TPPP2: variants seen among roughly 807,000 people sequenced by gnomAD.
TPPP2 encodes the protein tubulin polymerization-promoting protein family member 2.
TPPP2 carries 8 observed loss-of-function variants against 13.0 expected under a neutral mutation model. The ratio of observed to expected loss-of-function variants is 0.62; its 90% CI spans 0.36 to 1.11. The LOEUF is 1.11. Ranked by LOEUF, TPPP2 falls within the 50% of genes most tolerant of loss-of-function variation. TPPP2 has a pLI of 0.02. For missense variants in TPPP2, 213 were observed against 216.9 expected (o/e 0.98, Z 0.11); for synonymous variants, 81 against 81.8 (o/e 0.99, Z 0.05).
rs145171972 is a variant in TPPP2, at chr14:21,031,712, A to G, written c.328-180A>G. Among the ~76,000 whole-genome samples the G allele has an allele frequency of 1.4e-4, 22 of 152,222 alleles. No individual in the cohort carries two copies. In the East Asian group the frequency reaches 4.2e-3, roughly 29 times the overall value. On this transcript the variant is annotated intron_variant, in intron 3 of 3. Coordinates refer to ENST00000321760, the MANE Select transcript of TPPP2 (RefSeq NM_173846.5). ...CCACACTCCTCCTCCCCCATGAGTG[A>G]ACGGCTCTTACCAGAGTACCTGCCC...
chr14:21,025,277 G>C (rs1022641740), upstream of TPPP2: 5 of 912,220 alleles, frequency 5.5e-6, no homozygotes, highest in South Asian at 2.0e-4. This position sits in a 1 kb window ranked among gnomAD's most constrained non-coding sequence, Gnocchi z 5.1. Flanking sequence ...GGCTCTGCTC[G>C]GCTCACCAAA....
downstream of TPPP2, among the ~76,000 whole-genome samples, chr14:21,035,171 C>G (rs1297767307): frequency 6.6e-6 from 1 of 152,220 alleles, no homozygotes; most frequent in Admixed American, 6.5e-5. Flanking sequence ...TGTGGACTCC[C>G]CACGGTCCCT....
chr14:21,026,528 C>A (rs1883654489), upstream of TPPP2, among the ~76,000 whole-genome samples: 1 of 151,250 alleles, frequency 6.6e-6, no homozygotes, highest in South Asian at 2.1e-4. Flanking sequence ...CCTCACCACC[C>A]GCAATACCCC....
chr14:21,034,417 T>C, downstream of TPPP2: 1 of 693,360 alleles, frequency 1.4e-6, no homozygotes, highest in Admixed American at 2.9e-5. Context: ...CATAACCAAG[T>C]TCTCATGACC....
At chr14:21,024,637 A>G (rs1882772924) in intron 1 of TPPP2, 2 of 985,302 alleles carry the variant, frequency 2.0e-6, no homozygotes, top group Non-Finnish European at 2.4e-6. Flanking sequence ...AAGGGAGAGG[A>G]GAGCGGTCCC....
downstream of TPPP2, chr14:21,034,058 G>A (rs555394501): frequency 6.2e-7 from 1 of 1,614,060 alleles, no homozygotes; most frequent in South Asian, 1.1e-5. Flanking sequence ...CCTTCCAAGG[G>A]GCATGTATCA....
At chr14:21,026,080 C>G (rs1302531843), upstream of TPPP2, among the ~76,000 whole-genome samples, 2 of 151,952 alleles carry the variant, frequency 1.3e-5, no homozygotes, top group African/African-American at 4.8e-5. Flanking sequence ...GGGGGATGGT[C>G]TCAGGGTCTG....
upstream of TPPP2, among the ~76,000 whole-genome samples, chr14:21,026,140 A>G (rs1883587187): frequency 6.6e-6 from 1 of 151,698 alleles, no homozygotes; most frequent in African/African-American, 2.4e-5. Context: ...GACTTTACAC[A>G]CACACGCACA....
In TPPP2 at chr14:21,032,229, G is replaced by A; in HGVS notation, c.*152G>A. On this transcript the variant is annotated 3_prime_UTR_variant, in exon 4 of 4. Transcript: ENST00000321760. ...ACTAGTGTAGAGAGAGGGAGAAGAG[G>A]CAGCACAGGAGGGTGGGTTCTCCAC... The A allele has an allele frequency of 3.8e-6, 3 of 796,222 alleles. No homozygotes were observed. The highest frequency in any genetic ancestry group is 1.5e-5 in the South Asian group (1 of 68,952). 49.3% of individuals were successfully genotyped at this position (796,222 alleles called of 1,614,324 possible).
downstream of TPPP2, among the ~76,000 whole-genome samples, chr14:21,035,412 C>T (rs566539846): frequency 5.3e-5 from 8 of 152,158 alleles, no homozygotes; most frequent in African/African-American, 9.7e-5. Context: ...GAAAGGGCCA[C>T]GCTCCTATCT....
In TPPP2 at chr14:21,032,038, T is replaced by C. The variant is rs148921002; in HGVS notation, c.474T>C (p.Gly158=). The change falls in exon 4 of 4, where the codon GGT becomes GGC. Residue 158 remains glycine, a synonymous_variant. Coordinates refer to ENST00000321760, the MANE Select transcript of TPPP2 (RefSeq NM_173846.5). The part of the protein sequence containing the change: ...EMTDNTGYVS[G]YKGSGTYDKK... The stretch of plus-strand genomic sequence containing the variant: ...CTGACAACACAGGCTATGTGAGTGG[T>C]TACAAGGGTTCTGGCACCTACGATA... The C allele has an allele frequency of 6.2e-7, 1 of 1,613,886 alleles. No individual in the cohort carries two copies. Among genetic ancestry groups the C allele is most frequent in the African/African-American group, 1.3e-5 (1 of 74,870 alleles).
upstream of TPPP2, chr14:21,028,633 T>C (rs186477947): frequency 6.9e-4 from 105 of 152,266 alleles, no homozygotes; most frequent in African/African-American, 2.3e-3. Context: ...ATAGTATATC[T>C]TGAGCCACAG....
chr14:21,025,469 AC>A (rs1254098994), upstream of TPPP2: 6 of 985,212 alleles, frequency 6.1e-6, no homozygotes, highest in Non-Finnish European at 7.2e-6. This position sits in a 1 kb window ranked among gnomAD's most constrained non-coding sequence, Gnocchi z 5.1. Context: ...GGGGAGACGA[AC>A]CCGGGATACT....
chr14:21,024,342 G>A (rs1311894335), exon 1 of TPPP2: 1 of 978,260 alleles, frequency 1.0e-6, no homozygotes, highest in African/African-American at 1.8e-5. Flanking sequence ...TGCTGATGTG[G>A]AGGTAAGAGG....
chr14:21,024,552 T>TA (rs1258203645), intron 1 of TPPP2: 1 of 985,338 alleles, frequency 1.0e-6, no homozygotes, highest in Non-Finnish European at 1.2e-6. Flanking sequence ...CTCCACAATT[T>TA]AAAAACAAAC....
At chr14:21,026,452 C>T (rs1360645065), upstream of TPPP2, among the ~76,000 whole-genome samples, 4 of 151,460 alleles carry the variant, frequency 2.6e-5, no homozygotes, top group Non-Finnish European at 5.9e-5. Context: ...CCAGCACCGA[C>T]TGCCCCCCCA....
rs1884213625 is a variant in TPPP2 at position 21,031,940 on chromosome 14, T to C, written c.376T>C (p.Tyr126His). 16 of 1,614,004 alleles carry C rather than the reference T, an allele frequency of 9.9e-6. No individual in the cohort carries two copies. The East Asian group carries it at 3.6e-4, about 36-fold the overall frequency. The change falls in exon 4 of 4, where the codon TAC becomes CAC. Residue 126 changes from tyrosine to histidine, a missense_variant. Tyr to His is a moderately conservative substitution (Grantham distance 83). Transcript: ENST00000321760. The stretch of plus-strand genomic sequence containing the variant: ...GGACCGTTTGACAGACACCAGCAAG[T>C]ACACCGGCACCCACAAGGAGCGCTT... ...AVDRLTDTSK[Y>H]TGTHKERFDE...
At chr14:21,034,110 C>T, downstream of TPPP2, 2 of 1,614,130 alleles carry the variant, frequency 1.2e-6, no homozygotes, top group South Asian at 1.1e-5. Flanking sequence ...CATCTTGCCT[C>T]GCATATAGGA....
At chr14:21,029,312 A>C (rs891689510), upstream of TPPP2, 1 of 152,174 alleles carries the variant, frequency 6.6e-6, no homozygotes, top group African/African-American at 2.4e-5. Flanking sequence ...TTAAAATCCT[A>C]ACTCCCGGCT....
Sources: allele counts gnomAD v4.1 joint callset (sites outside exome capture counted in the v4.1 genomes callset), GRCh38; gene constraint gnomAD v4.1.1; non-coding constraint Gnocchi (gnomAD v3.1); transcripts MANE v1.5; gene names NCBI Gene and HGNC (gene_info 2026-07-23, HGNC 2026-07-21).